Variants in MROH2A observed in about 807,000 individuals in gnomAD.
MROH2A encodes maestro heat like repeat family member 2A, also known as maestro heat-like repeat-containing protein family member 2A.
In MROH2A, 174 loss-of-function variants were observed where a neutral mutation model predicts 200.4. The ratio of observed to expected loss-of-function variants is 0.87; its 90% CI spans 0.77 to 0.98. The LOEUF (loss-of-function observed/expected upper bound fraction) is 0.98. Among genes scored for constraint, MROH2A ranks in the 50% least tolerant of loss-of-function variants. The pLI, the probability that MROH2A is intolerant of heterozygous loss-of-function variation, is 0.00. For synonymous variants in MROH2A, 829 were observed against 840.4 expected, an observed-to-expected ratio of 0.99 and a Z score of 0.23; for missense variants, 2,045 against 2,139.6, an observed-to-expected ratio of 0.96 and a Z score of 0.87.
rs559445778 is a variant in MROH2A at position 233,823,658 on chromosome 2, G to A, written c.4107G>A (p.Ala1369=). Residue 1369 remains alanine (A), a synonymous_variant, in exon 35 of 42, where the codon GCG becomes GCA. Transcript: ENST00000389758. ...EVLSCRISST[A]VCFMSGPVLY... is the part of the protein sequence containing the mutation. The stretch of plus-strand genomic sequence containing the variant: ...TGAGCTGCCGCATCAGCAGCACAGC[G>A]GTCTGCGTGGAAATGAGGCACCGGG... The A allele has an allele frequency of 1.1e-5, 17 of 1,550,318 alleles. No individual in the cohort carries two copies. The highest frequency in any genetic ancestry group is 4.9e-5 in the East Asian group (2 of 40,920).
At chr2:233,830,148 G>A (rs1211102180) in intron 38 of MROH2A, among the ~76,000 whole-genome samples, 1 of 152,246 alleles carries the variant, frequency 6.6e-6, no homozygotes, top group Non-Finnish European at 1.5e-5. Flanking sequence ...TCCACTGCCT[G>A]CAGGCCCATG....
intron 17 of MROH2A, 103 bp from the exon 18 acceptor site, chr2:233,804,392 G>T: frequency 2.2e-6 from 3 of 1,367,834 alleles, no homozygotes; most frequent in South Asian, 1.3e-5. Context: ...ATCCATGGAG[G>T]GCCTCAAATG....
chr2:233,810,228 A>C (rs531737238), intron 22 of MROH2A, among the ~76,000 whole-genome samples: 1 of 152,330 alleles, frequency 6.6e-6, no homozygotes, highest in South Asian at 2.1e-4. Flanking sequence ...GCTGCTGCTA[A>C]AGGCATACCT....
intron 15 of MROH2A, among the ~76,000 whole-genome samples, chr2:233,802,934 C>T (rs28900437): frequency 6.6e-6 from 1 of 152,348 alleles, no homozygotes; most frequent in East Asian, 1.9e-4. Context: ...CTTCCTCATG[C>T]CCCTCTCACT....
intron 26 of MROH2A, 50 bp downstream of exon 26, chr2:233,814,727 G>A: frequency 1.5e-6 from 2 of 1,305,756 alleles, no homozygotes; most frequent in Non-Finnish European, 2.2e-6. Context: ...CTCCTCCCCA[G>A]AAGCTGGACT....
chr2:233,790,491 C>A (rs1486401257), intron 5 of MROH2A, among the ~76,000 whole-genome samples: 1 of 46,228 alleles, frequency 2.2e-5, no homozygotes, highest in Non-Finnish European at 3.5e-5. Context: ...CTCCCTCCCT[C>A]CTTCCTTCCT....
chr2:233,811,689 C>T (rs144157454), intron 23 of MROH2A, among the ~76,000 whole-genome samples, 191 bp from the exon 24 acceptor site: 14 of 152,344 alleles, frequency 9.2e-5, no homozygotes, highest in Admixed American at 2.6e-4. Context: ...GAGCCCAGGC[C>T]CACTTTGGGC....
Position 233,810,646 on chromosome 2 carries a change from G to A in MROH2A, c.2449-148G>A. 8.6e-6 allele frequency: 9 copies of A among 1,044,116 alleles called. No homozygotes were observed. In the South Asian group the frequency reaches 1.3e-4, roughly 16 times the overall value. The allele number at this position is 1,044,116 out of a possible 1,614,324, so 64.7% of individuals were successfully genotyped here. A position where few individuals can be genotyped will look rare whatever the true frequency, so the allele number is the denominator to read the frequency against. ...AGGTGCTCCATTCATGTGGTCGAAG[G>A]ACAGAGTGAGGCTGGCCATCTCTCA... On this transcript the variant is annotated intron_variant, in intron 22 of 41. Coordinates refer to ENST00000389758, the MANE Select transcript of MROH2A (RefSeq NM_001394639.1).
intron 8 of MROH2A, among the ~76,000 whole-genome samples, chr2:233,795,244 A>G (rs900493934): frequency 1.3e-5 from 2 of 152,190 alleles, no homozygotes; most frequent in Non-Finnish European, 2.9e-5. Context: ...GGAGCTGTGG[A>G]TGGGGCTGGT....
At chr2:233,817,414 G>A (rs895002394) in intron 27 of MROH2A, among the ~76,000 whole-genome samples, 15 of 152,106 alleles carry the variant, frequency 9.9e-5, no homozygotes, top group African/African-American at 2.9e-4. Context: ...AGGGATGGGC[G>A]TCTGGTGCAG....
intron 3 of MROH2A, among the ~76,000 whole-genome samples, chr2:233,788,373 G>A (rs1238278214): frequency 6.7e-6 from 1 of 150,288 alleles, no homozygotes; most frequent in Non-Finnish European, 1.5e-5. Flanking sequence ...TAATTTCTGG[G>A]AGCTGTCATA....
chr2:233,819,589 G>C, intron 30 of MROH2A, 120 bp downstream of exon 30: 1 of 1,110,106 alleles, frequency 9.0e-7, no homozygotes, highest in Non-Finnish European at 1.3e-6. Context: ...CCAACCCCTG[G>C]CTGCTAAAGA....
chr2:233,790,108 C>G (rs1408117227), intron 5 of MROH2A, 94 bp downstream of exon 5: 1 of 1,181,648 alleles, frequency 8.5e-7, no homozygotes, highest in Non-Finnish European at 1.2e-6. Flanking sequence ...TCACCTCTTC[C>G]TCTTACCTTT....
Position 233,793,733 on chromosome 2 carries a change from A to AGAT in MROH2A, c.731_732insGAT (p.Tyr244delinsTer). ...CTGAAGCACCTGGAGGAGAGCGTGT[A>AGAT]CCCCGTGATGACTGAGGAGGAGTTT... On this transcript the variant is annotated stop_gained, in exon 7 of 42. Transcript: ENST00000389758. LOFTEE classifies it high-confidence loss of function. The AGAT allele has an allele frequency of 6.7e-7, 1 of 1,495,416 alleles. No homozygotes were observed. The highest frequency in any genetic ancestry group is 8.9e-7 in the Non-Finnish European group (1 of 1,120,048). 92.6% of individuals were successfully genotyped at this position (1,495,416 alleles called of 1,614,324 possible).
At position 233,833,382 on chromosome 2, in the gene MROH2A, TTTCC is replaced by T. The variant is rs1444852847; in HGVS notation, c.*128_*131del. The T allele has an allele frequency of 1.8e-6, 2 of 1,115,604 alleles. No homozygotes were observed. The highest frequency in any genetic ancestry group is 1.2e-6 in the Non-Finnish European group (1 of 820,294). The allele number at this position is 1,115,604 out of a possible 1,614,324, so 69.1% of individuals were successfully genotyped here. On this transcript the variant is annotated 3_prime_UTR_variant, in exon 42 of 42. Coordinates refer to ENST00000389758, the MANE Select transcript of MROH2A (RefSeq NM_001394639.1). ...TTGTAAAATAACTAGTATCCTTTTG[TTTCC>T]TTCCGTTGAAATAAACCTCCACTGT...
intron 13 of MROH2A, 110 bp downstream of exon 13, chr2:233,800,009 ATTCATGACAGGAG>A (rs1702355956): frequency 7.1e-7 from 1 of 1,406,944 alleles, no homozygotes; most frequent in African/African-American, 1.4e-5. Flanking sequence ...CTGCGTATCC[ATTCATGACAGGAG>A]TTCATAGACA....
rs549972922 is a variant in MROH2A at position 233,799,834 on chromosome 2, G to A, written c.1384G>A (p.Glu462Lys). 6.4e-7 allele frequency: 1 copy of A among 1,550,524 alleles called. No homozygotes were observed. The highest frequency in any genetic ancestry group is 2.4e-5 in the East Asian group (1 of 40,916). Residue 462 changes from glutamate to lysine, a missense_variant, in exon 13 of 42, where the codon GAG becomes AAG. By Grantham distance (56) the Glu-to-Lys change is moderately conservative. Transcript: ENST00000389758. ...IGQLALCGYQERIKGWGLKYL... is the reference protein window; with the variant it reads ...IGQLALCGYQKRIKGWGLKYL... The stretch of plus-strand genomic sequence containing the variant: ...GCAGTTGGCTCTCTGTGGCTACCAG[G>A]AGAGAATCAAAGGCTGGGGCCTGAA...
chr2:233,800,669 A>G (rs1457311600), intron 14 of MROH2A, among the ~76,000 whole-genome samples: 1 of 151,718 alleles, frequency 6.6e-6, no homozygotes, highest in Non-Finnish European at 1.5e-5. Context: ...CTGTGTGTAG[A>G]CCAATGATTT....
intron 19 of MROH2A, among the ~76,000 whole-genome samples, chr2:233,805,839 A>G (rs1175305219): frequency 6.6e-6 from 1 of 152,202 alleles, no homozygotes; most frequent in Non-Finnish European, 1.5e-5. Context: ...TTTTCAACAA[A>G]TGGGGCTAGG....
Sources: gnomAD v4.1 joint callset for allele counts (sites outside exome capture counted in the v4.1 genomes callset) on GRCh38, gnomAD v4.1.1 for gene constraint, MANE v1.5 for transcripts, NCBI Gene and HGNC (gene_info 2026-07-23, HGNC 2026-07-21) for gene names.